The following GTF2H3 variants were observed in gnomAD, a reference collection of about 807,000 sequenced individuals.
GTF2H3 encodes general transcription factor IIH subunit 3, also known as TFIIH basal transcription factor complex p34 subunit.
In GTF2H3, 42 loss-of-function variants were observed where a neutral mutation model predicts 51.1. The observed-to-expected ratio is 0.82, with a 90% CI of 0.64 to 1.06. GTF2H3 has a LOEUF of 1.06. Ranked by LOEUF, GTF2H3 falls within the 50% of genes least tolerant of loss-of-function variation. GTF2H3 has a pLI of 0.00. For synonymous variants in GTF2H3, 123 were observed against 123.8 expected (o/e 0.99, Z 0.04); for missense variants, 326 against 366.1 (o/e 0.89, Z 0.89).
chr12:123,646,805 GTTTTTT>G (rs34544204), intron 3 of GTF2H3, among the ~76,000 whole-genome samples: 2 of 138,358 alleles, frequency 1.4e-5, no homozygotes, highest in Non-Finnish European at 3.1e-5. Context: ...ACCTGTCAAA[GTTTTTT>G]TTTTTTTTTT....
intron 1 of GTF2H3, among the ~76,000 whole-genome samples, chr12:123,638,775 C>A (rs934555515): frequency 1.1e-4 from 16 of 151,404 alleles, no homozygotes; most frequent in African/African-American, 3.9e-4. Context: ...TTGCTAAGGG[C>A]CCACTGTGCT....
intron 1 of GTF2H3, among the ~76,000 whole-genome samples, chr12:123,635,279 G>GA (rs1236158275): frequency 1.3e-5 from 2 of 151,946 alleles, no homozygotes; most frequent in Non-Finnish European, 2.9e-5. Flanking sequence ...TATTAAAAAA[G>GA]AAAAAAAGTG....
chr12:123,646,080 T>G (rs544230625), intron 3 of GTF2H3, among the ~76,000 whole-genome samples: 39 of 152,264 alleles, frequency 2.6e-4, no homozygotes, highest in African/African-American at 9.1e-4. Flanking sequence ...CTAACACTAG[T>G]GTGAAAACTG....
chr12:123,653,432 C>T (rs1161682905), intron 7 of GTF2H3, among the ~76,000 whole-genome samples: 2 of 151,590 alleles, frequency 1.3e-5, no homozygotes, highest in Non-Finnish European at 2.9e-5. Context: ...GAGGCCAAGG[C>T]GGGTGGATCA....
At chr12:123,641,527 G>GTTTTTTTTTTTTTTTT (rs112546170) in intron 2 of GTF2H3, among the ~76,000 whole-genome samples, 1 of 128,548 alleles carries the variant, frequency 7.8e-6, no homozygotes, top group African/African-American at 3.4e-5. Flanking sequence ...GTCTGCCCCC[G>GTTTTTTTTTTTTTTTT]TTTTTTTTTT....
intron 7 of GTF2H3, among the ~76,000 whole-genome samples, chr12:123,653,642 CTG>C (rs1260732807): frequency 6.7e-6 from 1 of 149,624 alleles, no homozygotes; most frequent in Non-Finnish European, 1.5e-5. Context: ...GAGCGAGACT[CTG>C]TCTCAAAAAA....
rs1376738173 is a variant in GTF2H3 at position 123,660,921 on chromosome 12, TGAGGGAGAACTTACTG to T, written c.*690_*705del. The stretch of plus-strand genomic sequence containing the variant: ...ATATGTGAAAGCTTATGACTGGTTT[TGAGGGAGAACTTACTG>T]GAGAAAATGGACTCTATGTTAAGTA... On this transcript the variant is annotated 3_prime_UTR_variant, in exon 13 of 13. Transcript: ENST00000543341. The T allele has an allele frequency of 1.3e-5, 2 of 152,198 alleles. No individual in the cohort carries two copies. The highest frequency in any genetic ancestry group is 4.8e-5 in the African/African-American group (2 of 41,438). 9.4% of individuals were successfully genotyped at this position (152,198 alleles called of 1,614,324 possible).
intron 9 of GTF2H3, among the ~76,000 whole-genome samples, chr12:123,656,564 G>A (rs1238367154): frequency 1.3e-5 from 2 of 152,016 alleles, no homozygotes; most frequent in Admixed American, 6.6e-5. Context: ...AGAATCAGCC[G>A]TGTACGTAGT....
At chr12:123,647,635 A>C (rs1209247782) in intron 3 of GTF2H3, among the ~76,000 whole-genome samples, 1 of 152,054 alleles carries the variant, frequency 6.6e-6, no homozygotes, top group African/African-American at 2.4e-5. Context: ...AGGCACGGGC[A>C]CCCCTCTGCA....
rs765344905 is a variant in GTF2H3 at position 123,640,220 on chromosome 12, G to A, written c.93+877G>A. Reference sequence around the variant, plus strand: ...ACTCTCGACCACACCTTCTTTGCCTGTCTGTACTCCCAGGCAACTCTTGAT... The same window carrying A: ...ACTCTCGACCACACCTTCTTTGCCTATCTGTACTCCCAGGCAACTCTTGAT... On this transcript the variant is annotated intron_variant, in intron 2 of 12. Transcript: ENST00000543341. Among the ~76,000 whole-genome samples the A allele has an allele frequency of 6.6e-5, 10 of 151,876 alleles. 1 individual carries two copies. Among genetic ancestry groups the A allele is most frequent in the Non-Finnish European group, 8.8e-5 (6 of 68,014 alleles).
intron 8 of GTF2H3, among the ~76,000 whole-genome samples, chr12:123,655,230 A>G (rs1955572097): frequency 6.6e-6 from 1 of 152,158 alleles, no homozygotes; most frequent in Non-Finnish European, 1.5e-5. Context: ...ATAGAGTTTC[A>G]TGGTATTCAG....
intron 4 of GTF2H3, chr12:123,649,646 G>A (rs1249365171): frequency 6.6e-6 from 1 of 152,224 alleles, no homozygotes; most frequent in Non-Finnish European, 1.5e-5. Flanking sequence ...GCAGGTGATG[G>A]TTTCCAAACC....
chr12:123,649,906 A>C (rs141481507), intron 4 of GTF2H3: 1 of 152,360 alleles, frequency 6.6e-6, no homozygotes, highest in East Asian at 1.9e-4. Flanking sequence ...GTACATTATA[A>C]ACCTGTTAAA....
At chr12:123,637,361 C>T (rs1425021748) in intron 1 of GTF2H3, among the ~76,000 whole-genome samples, 2 of 151,810 alleles carry the variant, frequency 1.3e-5, no homozygotes, top group Non-Finnish European at 1.5e-5. Flanking sequence ...TATTGAGACC[C>T]CCCCATCTCT....
At position 123,641,020 on chromosome 12, in the gene GTF2H3, A is replaced by G. The variant is rs556269247; in HGVS notation, c.93+1677A>G. Among the ~76,000 whole-genome samples, 187 of 152,260 alleles carry G rather than the reference A, an allele frequency of 1.2e-3. 1 individual carries two copies. The highest frequency in any genetic ancestry group is 1.8e-4 in the Non-Finnish European group (12 of 68,012). Reference sequence around the variant, plus strand: ...TGTCTATTAGTTTAAGTTGCGTGATAGCGCACCTATAGTCCCAGCTACTTG... The same window carrying G: ...TGTCTATTAGTTTAAGTTGCGTGATGGCGCACCTATAGTCCCAGCTACTTG... On this transcript the variant is annotated intron_variant, in intron 2 of 12. Transcript: ENST00000543341.
intron 3 of GTF2H3, among the ~76,000 whole-genome samples, 185 bp downstream of exon 3, chr12:123,645,746 A>G (rs1334874854): frequency 6.6e-6 from 1 of 152,200 alleles, no homozygotes; most frequent in Non-Finnish European, 1.5e-5. Flanking sequence ...AAACCTTATT[A>G]TTAGTAGATA....
At chr12:123,658,689 C>T (rs1206397035) in intron 9 of GTF2H3, among the ~76,000 whole-genome samples, 1 of 152,010 alleles carries the variant, frequency 6.6e-6, no homozygotes, top group African/African-American at 2.4e-5. Flanking sequence ...TTTCTTTTTA[C>T]ATAATAAAAT....
chr12:123,642,177 CT>C (rs111844500), intron 2 of GTF2H3, among the ~76,000 whole-genome samples: 36 of 140,130 alleles, frequency 2.6e-4, no homozygotes, highest in East Asian at 2.2e-4. Context: ...TTTTTCTTTT[CT>C]TTTTTTTTTT....
At chr12:123,634,120 G>A (rs1287870553) in intron 1 of GTF2H3, among the ~76,000 whole-genome samples, 2 of 152,208 alleles carry the variant, frequency 1.3e-5, no homozygotes, top group Non-Finnish European at 2.9e-5. Context: ...AGTCTACTGG[G>A]TGAAACAGAT....
Sources: allele counts gnomAD v4.1 joint callset (sites outside exome capture counted in the v4.1 genomes callset), GRCh38; gene constraint gnomAD v4.1.1; transcripts MANE v1.5; gene names NCBI Gene and HGNC (gene_info 2026-07-23, HGNC 2026-07-21).